Variants in TENM4 observed in about 807,000 individuals in gnomAD.
TENM4 encodes teneurin-4.
In TENM4, 82 loss-of-function variants were observed where a neutral mutation model predicts 243.3. The ratio of observed to expected loss-of-function variants is 0.34; its 90% CI spans 0.28 to 0.40. The LOEUF (loss-of-function observed/expected upper bound fraction) is 0.40, where lower values mean the gene tolerates loss of function less well. Ranked by LOEUF, TENM4 falls within the 10% of genes least tolerant of loss-of-function variation. The pLI, the probability that TENM4 is intolerant of heterozygous loss-of-function variation, is 1.00. For synonymous variants in TENM4, 1,412 were observed against 1,456.3 expected (o/e 0.97, Z 0.69); for missense variants, 3,138 against 3,673.3 (o/e 0.85, Z 3.77).
At chr11:78,889,501 A>G (rs1855615049) in intron 9 of TENM4, among the ~76,000 whole-genome samples, 1 of 152,204 alleles carries the variant, frequency 6.6e-6, no homozygotes, top group African/African-American at 2.4e-5. Flanking sequence ...AGTCTTACTG[A>G]GCACTCACGC....
intron 4 of TENM4, chr11:79,097,528 T>C (rs767073508): frequency 4.6e-5 from 7 of 152,164 alleles, no homozygotes; most frequent in East Asian, 1.9e-4. Flanking sequence ...CATTTGGAAA[T>C]TGAAATTTCC....
At chr11:78,836,942 G>A (rs990507863) in intron 12 of TENM4, among the ~76,000 whole-genome samples, 3 of 152,196 alleles carry the variant, frequency 2.0e-5, no homozygotes, top group Non-Finnish European at 4.4e-5. Flanking sequence ...GGGCACTTAA[G>A]TAATTACACT....
At chr11:78,699,781 T>G (rs1488148816) in intron 28 of TENM4, among the ~76,000 whole-genome samples, 4 of 152,194 alleles carry the variant, frequency 2.6e-5, no homozygotes, top group Non-Finnish European at 5.9e-5. Flanking sequence ...TGGTGGAGCG[T>G]AATGGATGCA....
intron 28 of TENM4, among the ~76,000 whole-genome samples, chr11:78,691,494 C>G (rs536508697): frequency 4.6e-5 from 7 of 152,216 alleles, no homozygotes; most frequent in Non-Finnish European, 8.8e-5. Context: ...ATGATAAACA[C>G]TTGCTGAATG....
intron 4 of TENM4, among the ~76,000 whole-genome samples, chr11:79,142,481 GA>G (rs1210054329): frequency 1.3e-5 from 2 of 152,038 alleles, no homozygotes; most frequent in Non-Finnish European, 2.9e-5. Context: ...AGAAATTGAA[GA>G]GGACACCAAA....
chr11:79,318,740 T>G (rs752730199), intron 1 of TENM4, among the ~76,000 whole-genome samples: 2 of 152,214 alleles, frequency 1.3e-5, no homozygotes, highest in Non-Finnish European at 2.9e-5. Context: ...TTAACATAAT[T>G]TAAGTGTGAA....
In TENM4 at chr11:78,856,127, A is replaced by G. The variant is rs929858988; in HGVS notation, c.1307T>C (p.Ile436Thr). The G allele has an allele frequency of 1.4e-5, 22 of 1,551,522 alleles. No individual in the cohort carries two copies. Among genetic ancestry groups the G allele is most frequent in the South Asian group, 4.8e-5 (4 of 84,056 alleles). The change falls in exon 11 of 34, where the codon ATT becomes ACT. Residue 436 changes from isoleucine to threonine, a missense_variant. Physicochemically the swap from Ile to Thr is moderately conservative, Grantham distance 89. Around this residue, in one of 2 missense-constraint regions of TENM4, gnomAD observed 671 missense variants for 614.1 expected, o/e 1.09. Coordinates refer to ENST00000278550, the MANE Select transcript of TENM4 (RefSeq NM_001098816.3). ...CTGGGAAGCTCGCCTTCCCACATCA[A>G]TTTCTCCAGAATCTATGAAACTGTC... ...PEDSFIDSGE[I>T]DVGRRASQKI...
intron 1 of TENM4, among the ~76,000 whole-genome samples, chr11:79,421,955 G>A (rs1471640129): frequency 1.3e-5 from 2 of 152,054 alleles, no homozygotes; most frequent in Admixed American, 1.3e-4. Context: ...CTTTCAAGAG[G>A]CTGGCTAGAC....
chr11:78,820,678 G>A (rs1857706993), intron 12 of TENM4, among the ~76,000 whole-genome samples: 1 of 152,152 alleles, frequency 6.6e-6, no homozygotes, highest in African/African-American at 2.4e-5. Flanking sequence ...GGTTTCTGGG[G>A]GGTAAACCCA....
intron 15 of TENM4, among the ~76,000 whole-genome samples, chr11:78,788,083 T>G (rs1856977168): frequency 6.6e-6 from 1 of 152,254 alleles, no homozygotes. Context: ...TCTCAATCCT[T>G]TTCATTTCTT....
chr11:78,777,100 C>T (rs748079362), intron 17 of TENM4, among the ~76,000 whole-genome samples: 6 of 152,058 alleles, frequency 3.9e-5, no homozygotes, highest in Non-Finnish European at 8.8e-5. Flanking sequence ...GAAAAAACTT[C>T]ACATAGTAGG....
chr11:78,880,909 A>G (rs1414445166), intron 9 of TENM4, among the ~76,000 whole-genome samples: 1 of 151,862 alleles, frequency 6.6e-6, no homozygotes, highest in Non-Finnish European at 1.5e-5. Flanking sequence ...TGAGAATGAG[A>G]GGGGGGTTGA....
chr11:78,716,933 C>T lies in TENM4; in HGVS notation c.3821+3437G>A, dbSNP rs74990671. On this transcript the variant is annotated intron_variant, in intron 25 of 33. Transcript: ENST00000278550. ...ATCATAAATGTCTCAGAGCATGAGA[C>T]GGAAGACGGCCTTCAGTGGAGGCCT... 9.1e-3 allele frequency among the ~76,000 whole-genome samples: 1,390 copies of T among 152,276 alleles called. 13 individuals are homozygous for T. Among genetic ancestry groups the T allele is most frequent in the African/African-American group, 0.031 (1,283 of 41,556 alleles).
chr11:79,354,605 T>G (rs1235860114), intron 1 of TENM4, among the ~76,000 whole-genome samples: 1 of 152,210 alleles, frequency 6.6e-6, no homozygotes, highest in South Asian at 2.1e-4. Context: ...AAAGACTCAG[T>G]GGTGACCCAT....
Position 79,370,319 on chromosome 11 carries a change from A to G in TENM4, c.-321+70190T>C, listed in dbSNP as rs146108573. On this transcript the variant is annotated intron_variant, in intron 1 of 33. Transcript: ENST00000278550. Reference sequence around the variant, plus strand: ...CCTTTCCACTGTCTTCCAACTTCACAGGTGCCTCTGTGCCTGACACCACAG... The same window carrying G: ...CCTTTCCACTGTCTTCCAACTTCACGGGTGCCTCTGTGCCTGACACCACAG... Among the ~76,000 whole-genome samples the G allele has an allele frequency of 2.2e-3, 328 of 152,302 alleles. 2 individuals are homozygous for G. Among genetic ancestry groups the G allele is most frequent in the African/African-American group, 7.3e-3 (304 of 41,582 alleles).
At chr11:79,421,232 T>G (rs941526476) in intron 1 of TENM4, among the ~76,000 whole-genome samples, 2 of 152,132 alleles carry the variant, frequency 1.3e-5, no homozygotes, top group African/African-American at 2.4e-5. Context: ...ACCTTGTCTA[T>G]ATGTTTTCAT....
At chr11:78,998,166 T>C (rs1402136782) in intron 6 of TENM4, among the ~76,000 whole-genome samples, 1 of 152,202 alleles carries the variant, frequency 6.6e-6, no homozygotes, top group Non-Finnish European at 1.5e-5. Flanking sequence ...GCTTATTTGC[T>C]CAGTGGTCAA....
chr11:78,773,099 C>T (rs1210798129), intron 17 of TENM4, among the ~76,000 whole-genome samples: 2 of 152,164 alleles, frequency 1.3e-5, no homozygotes, highest in Non-Finnish European at 2.9e-5. Context: ...AATTTTTGTC[C>T]GTCCAGCCGG....
chr11:78,673,123 C>G (rs954052107), intron 30 of TENM4, among the ~76,000 whole-genome samples: 1 of 152,084 alleles, frequency 6.6e-6, no homozygotes, highest in Non-Finnish European at 1.5e-5. Context: ...TAAACTCCAC[C>G]TGGACTGCTA....
Sources: gnomAD v4.1 joint callset for allele counts (sites outside exome capture counted in the v4.1 genomes callset) on GRCh38, gnomAD v4.1.1 for gene constraint, gnomAD v4.1.1 regional missense constraint, MANE v1.5 for transcripts, NCBI Gene and HGNC (gene_info 2026-07-23, HGNC 2026-07-21) for gene names.